The following PRKCB variants were observed in gnomAD, a reference collection of about 807,000 sequenced individuals.
PRKCB encodes protein kinase C beta.
A neutral mutation model predicts 81.5 loss-of-function variants in PRKCB; 13 were observed. That is an observed-to-expected ratio of 0.16 (90% CI 0.10 to 0.25). The LOEUF is 0.25. PRKCB is among the 10% of genes least tolerant of loss of function. PRKCB has a pLI of 1.00. For synonymous variants in PRKCB, 335 were observed against 321.4 expected, an observed-to-expected ratio of 1.04 and a Z score of -0.45; for missense variants, 509 against 875.7, an observed-to-expected ratio of 0.58 and a Z score of 5.29.
At chr16:23,840,405 TC>T (rs756713836) in intron 2 of PRKCB, among the ~76,000 whole-genome samples, 28 of 152,140 alleles carry the variant, frequency 1.8e-4, no homozygotes, top group Non-Finnish European at 3.1e-4. Context: ...CTCACACCCT[TC>T]TTTCAGCTAG....
At chr16:23,993,085 C>T (rs886868177) in intron 3 of PRKCB, among the ~76,000 whole-genome samples, 1 of 152,136 alleles carries the variant, frequency 6.6e-6, no homozygotes, top group Non-Finnish European at 1.5e-5. Flanking sequence ...CCGAATCCCA[C>T]CACCCCTTCA....
intron 2 of PRKCB, among the ~76,000 whole-genome samples, chr16:23,933,768 CTCCATCCATCCATCCATCCATCCATCCA>C (rs377110328): frequency 8.0e-6 from 1 of 125,630 alleles, no homozygotes; most frequent in East Asian, 2.5e-4. Flanking sequence ...CATCTATCCA[CTCCATCCATCCATCCATCCATCCATCCA>C]TCCATCCATC....
chr16:23,928,726 T>G lies in PRKCB; in HGVS notation c.206-59782T>G, dbSNP rs183433785. Among the ~76,000 whole-genome samples the G allele has an allele frequency of 3.7e-3, 556 of 151,888 alleles. 5 individuals carry two copies. Among genetic ancestry groups the G allele is most frequent in the Non-Finnish European group, 5.2e-3 (356 of 67,866 alleles). On this transcript the variant is annotated intron_variant, in intron 2 of 16. Transcript: ENST00000643927. ...TGGTTTTGTTTTGTTTTGTTTGTTTTTTTTGTTTTGAGATGGGGCCTTGCT... is the reference window on the plus strand; with the variant it reads ...TGGTTTTGTTTTGTTTTGTTTGTTTGTTTTGTTTTGAGATGGGGCCTTGCT...
At chr16:23,930,684 C>T (rs866330114) in intron 2 of PRKCB, among the ~76,000 whole-genome samples, 3 of 152,148 alleles carry the variant, frequency 2.0e-5, no homozygotes, top group Non-Finnish European at 2.9e-5. Flanking sequence ...TTCCTTCTAA[C>T]GTTATTGTTG....
intron 2 of PRKCB, among the ~76,000 whole-genome samples, chr16:23,865,262 TG>T (rs2141093556): frequency 2.4e-5 from 1 of 42,154 alleles, no homozygotes; most frequent in South Asian, 1.5e-3. Flanking sequence ...TTTTCTGTTT[TG>T]TTTGTGTGTG....
At position 24,219,879 on chromosome 16, in the gene PRKCB, T is replaced by A. The variant is rs1213060304; in HGVS notation, c.*5063T>A. ...TTCTGACTCTGCTCATGAGATGGTA[T>A]CAGCCACCCAATGACTGGCGTATCT... is the stretch of plus-strand genomic sequence containing the variant. On this transcript the variant is annotated 3_prime_UTR_variant, in exon 17 of 17. Transcript: ENST00000643927. 5.4e-5 allele frequency: 83 copies of A among 1,526,206 alleles called. No individual in the cohort carries two copies. The East Asian group carries it at 2.0e-3, about 36-fold the overall frequency. The allele number at this position is 1,526,206 out of a possible 1,614,324, so 94.5% of individuals were successfully genotyped here. A position where few individuals can be genotyped will look rare whatever the true frequency, so the allele number is the denominator to read the frequency against.
At chr16:24,023,566 C>T (rs997010404) in intron 3 of PRKCB, among the ~76,000 whole-genome samples, 3 of 152,098 alleles carry the variant, frequency 2.0e-5, no homozygotes, top group African/African-American at 4.8e-5. Flanking sequence ...GACGGGGTTT[C>T]ACCGTGTTAG....
At chr16:24,187,838 C>A (rs1054862685) in intron 15 of PRKCB, among the ~76,000 whole-genome samples, 5 of 152,190 alleles carry the variant, frequency 3.3e-5, no homozygotes, top group Admixed American at 2.6e-4. Flanking sequence ...GCCACTGCAC[C>A]CAGCCTAGGT....
At chr16:24,147,321 A>AAAAAG (rs2141948444) in intron 9 of PRKCB, among the ~76,000 whole-genome samples, 1 of 151,806 alleles carries the variant, frequency 6.6e-6, no homozygotes, top group East Asian at 1.9e-4. Context: ...AAAAAAAAAA[A>AAAAAG]ACTTCACAGC....
intron 9 of PRKCB, chr16:24,151,940 G>A: frequency 2.2e-6 from 1 of 454,114 alleles, no homozygotes; most frequent in Non-Finnish European, 4.4e-6. Flanking sequence ...TCTCTTCCAT[G>A]TGGAAGGCTA....
At chr16:24,103,294 T>C (rs767509485) in intron 7 of PRKCB, among the ~76,000 whole-genome samples, 2 of 152,248 alleles carry the variant, frequency 1.3e-5, no homozygotes, top group Non-Finnish European at 2.9e-5. Flanking sequence ...TTTTCTAACA[T>C]GCTTTAATTT....
At chr16:24,120,498 A>C (rs1596556880) in intron 8 of PRKCB, among the ~76,000 whole-genome samples, 1 of 152,218 alleles carries the variant, frequency 6.6e-6, no homozygotes, top group East Asian at 1.9e-4. Context: ...GCCTGAAATC[A>C]CACCGGTCAT....
intron 3 of PRKCB, among the ~76,000 whole-genome samples, chr16:24,030,340 G>A (rs1327429591): frequency 2.0e-5 from 3 of 152,162 alleles, no homozygotes; most frequent in African/African-American, 7.2e-5. Flanking sequence ...TTGGGAGCGG[G>A]GGTGCGCTCT....
At chr16:23,960,763 G>A (rs1409315417) in intron 2 of PRKCB, among the ~76,000 whole-genome samples, 2 of 152,168 alleles carry the variant, frequency 1.3e-5, no homozygotes, top group Non-Finnish European at 2.9e-5. Flanking sequence ...TCCCTTCACT[G>A]TCTTACTTCC....
intron 5 of PRKCB, among the ~76,000 whole-genome samples, chr16:24,041,393 T>C (rs1165379872): frequency 1.3e-5 from 2 of 152,048 alleles, no homozygotes; most frequent in Non-Finnish European, 2.9e-5. Context: ...AGTATCTACC[T>C]ATCAACATAA....
chr16:24,151,097 ATAAAAT>A (rs1205557491), intron 9 of PRKCB, among the ~76,000 whole-genome samples: 1 of 152,258 alleles, frequency 6.6e-6, no homozygotes, highest in Non-Finnish European at 1.5e-5. Context: ...GCACTATGAA[ATAAAAT>A]TAAATCACGT....
chr16:23,929,120 A>C (rs1280509981), intron 2 of PRKCB, among the ~76,000 whole-genome samples: 1 of 152,056 alleles, frequency 6.6e-6, no homozygotes, highest in African/African-American at 2.4e-5. Context: ...GTGCTGCATA[A>C]GAGATGGCTC....
intron 2 of PRKCB, among the ~76,000 whole-genome samples, chr16:23,870,091 C>G (rs1962879655): frequency 6.6e-6 from 1 of 151,558 alleles, no homozygotes; most frequent in African/African-American, 2.4e-5. Flanking sequence ...AGACAAGAAT[C>G]TGATTTTGAA....
At chr16:24,185,384 G>T (rs1967687676) in intron 14 of PRKCB, 76 bp from the exon 15 acceptor site, 1 of 1,379,448 alleles carries the variant, frequency 7.2e-7, no homozygotes, top group South Asian at 1.2e-5. Context: ...CAGGGAGGAG[G>T]GTCTGCCAGT....
Sources: allele counts gnomAD v4.1 joint callset (sites outside exome capture counted in the v4.1 genomes callset), GRCh38; gene constraint gnomAD v4.1.1; transcripts MANE v1.5; gene names NCBI Gene and HGNC (gene_info 2026-07-23, HGNC 2026-07-21).